Variants in DCAF16 observed in about 807,000 individuals in gnomAD.
DCAF16 encodes DDB1 and CUL4 associated factor 16, also known as DDB1- and CUL4-associated factor 16.
A neutral mutation model predicts 17.3 loss-of-function variants in DCAF16; 10 were observed. The observed-to-expected ratio is 0.58, with a 90% CI of 0.36 to 0.98. The LOEUF (loss-of-function observed/expected upper bound fraction) is 0.98. Ranked by LOEUF, DCAF16 falls within the 50% of genes least tolerant of loss-of-function variation. The pLI, the probability that DCAF16 is intolerant of heterozygous loss-of-function variation, is 0.01. For missense variants in DCAF16, 249 were observed against 247.6 expected, an observed-to-expected ratio of 1.01 and a Z score of -0.04; for synonymous variants, 111 against 92.8, an observed-to-expected ratio of 1.20 and a Z score of -1.12.
chr4:17,806,853 A>G (rs1042799333), intron 1 of DCAF16, among the ~76,000 whole-genome samples: 3 of 152,202 alleles, frequency 2.0e-5, no homozygotes, highest in Non-Finnish European at 4.4e-5. Context: ...AGCAGAATAG[A>G]GCTTAGAAAC....
intron 1 of DCAF16, among the ~76,000 whole-genome samples, chr4:17,809,218 C>T (rs1390903265): frequency 6.6e-6 from 1 of 152,104 alleles, no homozygotes; most frequent in African/African-American, 2.4e-5. Context: ...GTAGTTTCCT[C>T]ATCTTAAAAG....
intron 1 of DCAF16, among the ~76,000 whole-genome samples, chr4:17,806,661 T>G (rs1720353826): frequency 6.6e-6 from 1 of 152,182 alleles, no homozygotes; most frequent in Non-Finnish European, 1.5e-5. Flanking sequence ...TCCAATCAAA[T>G]TTTTAAGGAA....
intron 1 of DCAF16, among the ~76,000 whole-genome samples, chr4:17,806,986 TG>T (rs1347144502): frequency 5.3e-5 from 8 of 151,852 alleles, no homozygotes; most frequent in Non-Finnish European, 8.8e-5. Context: ...AAAGTAAAAC[TG>T]TATTGGAATA....
chr4:17,803,855 C>A lies in DCAF16; in HGVS notation c.287G>T (p.Arg96Ile). The A allele has an allele frequency of 6.2e-7, 1 of 1,614,182 alleles. No individual in the cohort carries two copies. Among genetic ancestry groups the A allele is most frequent in the Non-Finnish European group, 8.5e-7 (1 of 1,180,026 alleles). ...GACACAATGGGAACAATGGGAGAGT[C>A]TTAGACCTATCTCTCGAAGTATATG... Reference protein sequence around the residue: ...PVHILREIGLRLSHCSHCVPK... With the variant: ...PVHILREIGLILSHCSHCVPK... The change falls in exon 3 of 3, where the codon AGA becomes ATA. Residue 96 changes from arginine (R) to isoleucine (I), a missense_variant. By Grantham distance (97) the Arg-to-Ile change is moderately conservative. Coordinates refer to ENST00000382247, the MANE Select transcript of DCAF16 (RefSeq NM_017741.4).
Position 17,803,837 on chromosome 4 carries a change from TG to T in DCAF16, c.304del (p.His102IlefsTer40). 1 of 1,614,172 alleles carries T rather than the reference TG, an allele frequency of 6.2e-7. No homozygotes were observed. The highest frequency in any genetic ancestry group is 8.5e-7 in the Non-Finnish European group (1 of 1,180,020). ...AATTGGTTCCAGTTTGGGGACACAA[TG>T]GGAACAATGGGAGAGTCTTAGACCT... is the stretch of plus-strand genomic sequence containing the variant. ...EIGLRLSHCSHCVPKLEPIPE... is the reference protein window; with the variant it reads ...EIGLRLSHCSXCVPKLEPIPE... On this transcript the variant is annotated frameshift_variant, in exon 3 of 3. Transcript: ENST00000382247. LOFTEE classifies it high-confidence loss of function.
rs1300484245 is a variant in DCAF16, at chr4:17,804,602, T to C, written c.-461A>G. ...AGAAGCTCAGTAGTTGTCTTGCTTG[T>C]CCGCTGGTATAGCAACTTTTGTGCA... On this transcript the variant is annotated 5_prime_UTR_variant, in exon 3 of 3. Coordinates refer to ENST00000382247, the MANE Select transcript of DCAF16 (RefSeq NM_017741.4). 5.6e-6 allele frequency: 1 copy of C among 178,352 alleles called. No homozygotes were observed. The highest frequency in any genetic ancestry group is 2.4e-5 in the African/African-American group (1 of 41,494). 11.0% of individuals were successfully genotyped at this position (178,352 alleles called of 1,614,324 possible).
Position 17,804,269 on chromosome 4 carries a change from G to T in DCAF16, c.-128C>A. The T allele has an allele frequency of 1.3e-6, 1 of 755,850 alleles. No individual in the cohort carries two copies. The highest frequency in any genetic ancestry group is 2.2e-6 in the Non-Finnish European group (1 of 460,632). The allele number at this position is 755,850 out of a possible 1,614,324, so 46.8% of individuals were successfully genotyped here. The stretch of plus-strand genomic sequence containing the variant: ...CCAAGATTAATTTGTCTTTCAGTCC[G>T]TTACACACATAAAGTATGCTTGTGG... On this transcript the variant is annotated 5_prime_UTR_variant, in exon 3 of 3. Coordinates refer to ENST00000382247, the MANE Select transcript of DCAF16 (RefSeq NM_017741.4).
At chr4:17,797,523 T>C (rs1056758836), downstream of DCAF16, among the ~76,000 whole-genome samples, 2 of 152,176 alleles carry the variant, frequency 1.3e-5, no homozygotes, top group African/African-American at 2.4e-5. Flanking sequence ...ACCAAGTAGG[T>C]AGACAGGGAT....
chr4:17,799,969 G>A (rs1719621603), downstream of DCAF16, among the ~76,000 whole-genome samples: 1 of 152,040 alleles, frequency 6.6e-6, no homozygotes, highest in Non-Finnish European at 1.5e-5. Context: ...GACCAATTGA[G>A]AAACCCCATC....
intron 2 of DCAF16, 26 bp downstream of exon 2, chr4:17,805,081 A>G (rs1257946565): frequency 6.8e-6 from 1 of 146,410 alleles, no homozygotes; most frequent in Non-Finnish European, 1.5e-5. Context: ...GAGAGCTATA[A>G]AAGTTTTTTT....
At chr4:17,798,612 T>A (rs1041268401), downstream of DCAF16, among the ~76,000 whole-genome samples, 16 of 151,912 alleles carry the variant, frequency 1.1e-4, no homozygotes, top group African/African-American at 3.6e-4. Context: ...AAAAAAATAA[T>A]AATAATAATA....
chr4:17,796,799 T>C (rs1719449905), downstream of DCAF16, among the ~76,000 whole-genome samples: 1 of 152,176 alleles, frequency 6.6e-6, no homozygotes, highest in Non-Finnish European at 1.5e-5. Context: ...TATGTGGTTA[T>C]TTTAGCTAAA....
chr4:17,793,459 A>G, the DCAF16 span, among the ~76,000 whole-genome samples: 2 of 152,258 alleles, frequency 1.3e-5, no homozygotes, highest in Non-Finnish European at 2.9e-5. Flanking sequence ...TGTTTATTAT[A>G]GCTTTATTCA....
At chr4:17,809,190 T>C (rs1275800509) in intron 1 of DCAF16, among the ~76,000 whole-genome samples, 2 of 152,162 alleles carry the variant, frequency 1.3e-5, no homozygotes, top group Non-Finnish European at 2.9e-5. Flanking sequence ...TGGAGTACTA[T>C]AGCAACCTGT....
chr4:17,805,394 T>C (rs913800058), intron 1 of DCAF16, among the ~76,000 whole-genome samples, 169 bp from the exon 2 acceptor site: 21 of 152,162 alleles, frequency 1.4e-4, no homozygotes, highest in African/African-American at 5.1e-4. Flanking sequence ...TTAAAAAGAA[T>C]GTTATTATCA....
chr4:17,803,916 AC>A lies in DCAF16; in HGVS notation c.225del (p.Leu75PhefsTer19). On this transcript the variant is annotated frameshift_variant, in exon 3 of 3. Transcript: ENST00000382247. LOFTEE classifies it high-confidence loss of function. Reference sequence around the variant, plus strand: ...CTTGGATCCAACAGTTTAGCATGATACAACCAGGAATTAGGATTTAAAGGTT... The same window carrying A: ...CTTGGATCCAACAGTTTAGCATGATAAACCAGGAATTAGGATTTAAAGGTT... ...TWKPLNPNSW[L>X]YHAKLLDPST... 1 of 1,614,174 alleles carries A rather than the reference AC, an allele frequency of 6.2e-7. No homozygotes were observed. The highest frequency in any genetic ancestry group is 8.5e-7 in the Non-Finnish European group (1 of 1,180,038).
chr4:17,798,475 G>C (rs976199280), downstream of DCAF16, among the ~76,000 whole-genome samples: 1 of 151,922 alleles, frequency 6.6e-6, no homozygotes, highest in Non-Finnish European at 1.5e-5. Flanking sequence ...TGCACCTGTA[G>C]TCCACAGCTA....
rs1560210864 is a variant in DCAF16 at position 17,803,830 on chromosome 4, G to A, written c.312C>T (p.Val104=). 2.5e-6 allele frequency: 4 copies of A among 1,614,214 alleles called. No homozygotes were observed. Among genetic ancestry groups the A allele is most frequent in the South Asian group, 1.1e-5 (1 of 91,092 alleles). The change falls in exon 3 of 3, where the codon GTC becomes GTT. Residue 104 remains valine (V), a synonymous_variant. Coordinates refer to ENST00000382247, the MANE Select transcript of DCAF16 (RefSeq NM_017741.4). ...ATTCAGGAATTGGTTCCAGTTTGGG[G>A]ACACAATGGGAACAATGGGAGAGTC... ...GLRLSHCSHC[V]PKLEPIPEWP...
In DCAF16 at chr4:17,804,750, C is replaced by G. The variant is rs1720151285; in HGVS notation, c.-609G>C. 1 of 168,132 alleles carries G rather than the reference C, an allele frequency of 5.9e-6. No homozygotes were observed. Among genetic ancestry groups the G allele is most frequent in the African/African-American group, 2.4e-5 (1 of 41,416 alleles). 10.4% of individuals were successfully genotyped at this position (168,132 alleles called of 1,614,324 possible). A position where few individuals can be genotyped will look rare whatever the true frequency, so the allele number is the denominator to read the frequency against. On this transcript the variant is annotated 5_prime_UTR_variant, in exon 3 of 3. Coordinates refer to ENST00000382247, the MANE Select transcript of DCAF16 (RefSeq NM_017741.4). ...GCTGTTGGATTATCTGGAAAGGTAG[C>G]CTTAACCTGTGAATGAGAAGACTAG...
Sources: allele counts gnomAD v4.1 joint callset (sites outside exome capture counted in the v4.1 genomes callset), GRCh38; gene constraint gnomAD v4.1.1; transcripts MANE v1.5; gene names NCBI Gene and HGNC (gene_info 2026-07-23, HGNC 2026-07-21).